Variants in CYB5A observed in about 807,000 individuals in gnomAD.
The protein encoded by CYB5A is cytochrome b5 type A, also known as cytochrome b5.
CYB5A carries 10 observed loss-of-function variants against 16.2 expected under a neutral mutation model. That is an observed-to-expected ratio of 0.62 (90% CI 0.38 to 1.04). The LOEUF is 1.04. CYB5A is among the 50% of genes least tolerant of loss of function. The pLI is 0.01. For missense variants in CYB5A, 161 were observed against 165.9 expected, an observed-to-expected ratio of 0.97 and a Z score of 0.16; for synonymous variants, 62 against 57.0, an observed-to-expected ratio of 1.09 and a Z score of -0.40.
intron 4 of CYB5A, among the ~76,000 whole-genome samples, chr18:74,254,137 G>A (rs1444117663): frequency 6.6e-6 from 1 of 152,114 alleles, no homozygotes; most frequent in African/African-American, 2.4e-5. Context: ...CCGAGATCAC[G>A]CCACTGCACT....
At chr18:74,281,395 G>C (rs548093863) in intron 1 of CYB5A, among the ~76,000 whole-genome samples, 1 of 152,206 alleles carries the variant, frequency 6.6e-6, no homozygotes, top group Non-Finnish European at 1.5e-5. Context: ...CTGCCAAAGC[G>C]GAAAAGCCCA....
chr18:74,275,061 T>G (rs1202855470), intron 1 of CYB5A, among the ~76,000 whole-genome samples: 1 of 152,190 alleles, frequency 6.6e-6, no homozygotes, highest in African/African-American at 2.4e-5. Context: ...AAACCTACGG[T>G]GGAGAATTTC....
intron 1 of CYB5A, among the ~76,000 whole-genome samples, chr18:74,268,362 G>A (rs149428801): frequency 6.5e-4 from 99 of 152,232 alleles, no homozygotes; most frequent in Middle Eastern, 3.4e-3. Flanking sequence ...TTGCAGGGGC[G>A]GGGAACAGCG....
At chr18:74,287,752 C>G (rs1983373020) in intron 1 of CYB5A, among the ~76,000 whole-genome samples, 1 of 152,188 alleles carries the variant, frequency 6.6e-6, no homozygotes, top group African/African-American at 2.4e-5. Context: ...CAAACACCCA[C>G]TGACTTGAAC....
intron 3 of CYB5A, chr18:74,258,464 G>A (rs1982073316): frequency 6.6e-6 from 1 of 151,936 alleles, no homozygotes; most frequent in Non-Finnish European, 1.5e-5. Context: ...CTTTCCTTAG[G>A]GCAGGTTCAA....
At chr18:74,264,848 G>C (rs1982372055) in intron 1 of CYB5A, among the ~76,000 whole-genome samples, 2 of 152,186 alleles carry the variant, frequency 1.3e-5, no homozygotes, top group Admixed American at 1.3e-4. Context: ...TCACAGGACA[G>C]AGGTAAGGAG....
rs992695928 is a variant in CYB5A, at chr18:74,252,876, T to C, written c.*708A>G. 6.6e-6 allele frequency: 1 copy of C among 152,374 alleles called. No homozygotes were observed. Among genetic ancestry groups the C allele is most frequent in the Non-Finnish European group, 1.5e-5 (1 of 68,202 alleles). The allele number at this position is 152,374 out of a possible 1,614,324, so 9.4% of individuals were successfully genotyped here. A position where few individuals can be genotyped will look rare whatever the true frequency, so the allele number is the denominator to read the frequency against. ...GCGCCACTACGCCCTGCTAATTTTGTATTTTTAGTAGAGACAGGGTTTCAC... is the reference window on the plus strand; with the variant it reads ...GCGCCACTACGCCCTGCTAATTTTGCATTTTTAGTAGAGACAGGGTTTCAC... On this transcript the variant is annotated 3_prime_UTR_variant, in exon 5 of 5. Coordinates refer to ENST00000340533, the MANE Select transcript of CYB5A (RefSeq NM_148923.4).
At chr18:74,279,534 A>G (rs1983009679) in intron 1 of CYB5A, among the ~76,000 whole-genome samples, 1 of 151,606 alleles carries the variant, frequency 6.6e-6, no homozygotes, top group Non-Finnish European at 1.5e-5. Flanking sequence ...CGTCTCAAAA[A>G]TAAATAAATA....
At position 74,291,898 on chromosome 18, in the gene CYB5A, C is replaced by A. The variant is rs1396537894; in HGVS notation, c.-23G>T. 1.2e-6 allele frequency: 2 copies of A among 1,608,792 alleles called. No homozygotes were observed. Among genetic ancestry groups the A allele is most frequent in the Non-Finnish European group, 1.7e-6 (2 of 1,179,652 alleles). On this transcript the variant is annotated 5_prime_UTR_variant, in exon 1 of 5. Transcript: ENST00000340533. ...CATCTCGGTTCGCCGCGAGCCAGGC[C>A]CAGCACACACAGCCCCGTCGGGTGG...
At chr18:74,280,898 T>C (rs1983072881) in intron 1 of CYB5A, among the ~76,000 whole-genome samples, 1 of 152,146 alleles carries the variant, frequency 6.6e-6, no homozygotes. Context: ...AATGGGGCAG[T>C]GTAATCAGCC....
At chr18:74,280,784 C>T (rs1241366431) in intron 1 of CYB5A, among the ~76,000 whole-genome samples, 3 of 152,008 alleles carry the variant, frequency 2.0e-5, no homozygotes, top group African/African-American at 7.3e-5. Flanking sequence ...AATCTTTGTG[C>T]GAGTCTATCT....
At chr18:74,277,076 C>T (rs1282176042) in intron 1 of CYB5A, among the ~76,000 whole-genome samples, 8 of 148,232 alleles carry the variant, frequency 5.4e-5, no homozygotes, top group Non-Finnish European at 1.2e-4. Context: ...TAGGCAAAAA[C>T]AACCTTTAAT....
intron 1 of CYB5A, among the ~76,000 whole-genome samples, chr18:74,277,582 T>G (rs573905091): frequency 6.6e-6 from 1 of 152,288 alleles, no homozygotes; most frequent in Admixed American, 6.5e-5. Flanking sequence ...GAAACTGACA[T>G]GTAAACAGAT....
intron 1 of CYB5A, among the ~76,000 whole-genome samples, chr18:74,283,092 A>T (rs577313129): frequency 2.0e-5 from 3 of 152,290 alleles, no homozygotes; most frequent in African/African-American, 7.2e-5. Flanking sequence ...AAGAGAGGCC[A>T]CACCAGGGCA....
chr18:74,271,662 G>C (rs1000497529), intron 1 of CYB5A, among the ~76,000 whole-genome samples: 1 of 152,092 alleles, frequency 6.6e-6, no homozygotes, highest in African/African-American at 2.4e-5. Flanking sequence ...GTGTGTGTGT[G>C]TGTGTGTGTC....
intron 1 of CYB5A, among the ~76,000 whole-genome samples, chr18:74,279,712 A>AAT (rs1983019053): frequency 6.6e-6 from 1 of 152,174 alleles, no homozygotes; most frequent in South Asian, 2.1e-4. Context: ...AATCATAATA[A>AAT]ACTGGGTTGA....
intron 1 of CYB5A, among the ~76,000 whole-genome samples, chr18:74,284,252 A>AGAG (rs555355376): frequency 4.8e-5 from 7 of 147,358 alleles, no homozygotes; most frequent in South Asian, 2.2e-4. Context: ...AAAAAAAAAA[A>AGAG]AGAGAGATTA....
chr18:74,269,706 A>G (rs922999871), intron 1 of CYB5A, among the ~76,000 whole-genome samples: 4 of 152,026 alleles, frequency 2.6e-5, no homozygotes, highest in Non-Finnish European at 4.4e-5. Context: ...TTCTTCATCT[A>G]TTCCATCAGC....
intron 1 of CYB5A, among the ~76,000 whole-genome samples, chr18:74,285,271 C>T (rs1983274728): frequency 6.6e-6 from 1 of 152,194 alleles, no homozygotes; most frequent in African/African-American, 2.4e-5. Context: ...CCAGAAATGG[C>T]TCTGAGCCTG....
Sources: allele counts gnomAD v4.1 joint callset (sites outside exome capture counted in the v4.1 genomes callset), GRCh38; gene constraint gnomAD v4.1.1; transcripts MANE v1.5; gene names NCBI Gene and HGNC (gene_info 2026-07-23, HGNC 2026-07-21).